SH3RF3: variants seen among roughly 807,000 people sequenced by gnomAD.
SH3RF3 encodes E3 ubiquitin-protein ligase SH3RF3.
In SH3RF3, 29 loss-of-function variants were observed where a neutral mutation model predicts 66.3. The observed-to-expected ratio is 0.44, with a 90% CI of 0.33 to 0.60. The LOEUF is 0.60. Among genes scored for constraint, SH3RF3 ranks in the 20% least tolerant of loss-of-function variants. The probability of loss-of-function intolerance (pLI) is 0.04; values close to 1 mark genes in which losing one functional copy is unlikely to be tolerated. For missense variants in SH3RF3, 1,194 were observed against 1,190.9 expected (o/e 1.00, Z -0.04); for synonymous variants, 583 against 532.0 (o/e 1.10, Z -1.32).
chr2:109,236,425 T>C (rs35234904), intron 1 of SH3RF3, among the ~76,000 whole-genome samples: 45,560 of 152,006 alleles, frequency 0.3, 7,714 homozygotes, highest in Non-Finnish European at 0.39. Context: ...CCATTCTCTT[T>C]CTCCTCAAAC....
chr2:109,158,256 C>T (rs1323833499), intron 1 of SH3RF3, among the ~76,000 whole-genome samples: 1 of 152,190 alleles, frequency 6.6e-6, no homozygotes, highest in Non-Finnish European at 1.5e-5. Flanking sequence ...ACAGGAAGTC[C>T]AGGGCCACCT....
At chr2:109,500,023 G>A (rs1409809493) in intron 9 of SH3RF3, among the ~76,000 whole-genome samples, 2 of 152,160 alleles carry the variant, frequency 1.3e-5, no homozygotes, top group Admixed American at 1.3e-4. Context: ...GGTGGTCCGT[G>A]TGAACACATC....
At chr2:109,213,536 T>G (rs1679040468) in intron 1 of SH3RF3, among the ~76,000 whole-genome samples, 1 of 152,148 alleles carries the variant, frequency 6.6e-6, no homozygotes, top group Non-Finnish European at 1.5e-5. Flanking sequence ...GAAGCCTCTA[T>G]CACCTAACAG....
At chr2:109,344,617 C>T (rs533370204) in intron 1 of SH3RF3, among the ~76,000 whole-genome samples, 16 of 152,302 alleles carry the variant, frequency 1.1e-4, no homozygotes, top group Middle Eastern at 3.4e-3. Flanking sequence ...GGCCAGGAGA[C>T]CACTGGAGGA....
At chr2:109,391,872 C>T (rs1324015871) in intron 3 of SH3RF3, among the ~76,000 whole-genome samples, 1 of 152,062 alleles carries the variant, frequency 6.6e-6, no homozygotes, top group African/African-American at 2.4e-5. Flanking sequence ...CAGGGTCTTA[C>T]TCTGTCACCC....
At chr2:109,475,180 T>C (rs1253277817) in intron 8 of SH3RF3, among the ~76,000 whole-genome samples, 1 of 152,192 alleles carries the variant, frequency 6.6e-6, no homozygotes, top group East Asian at 1.9e-4. Flanking sequence ...GGTTTCACCA[T>C]GTTGGCTAGG....
At chr2:109,296,413 T>C (rs1681309816) in intron 1 of SH3RF3, among the ~76,000 whole-genome samples, 1 of 151,886 alleles carries the variant, frequency 6.6e-6, no homozygotes, top group Non-Finnish European at 1.5e-5. Context: ...GTGTGTGTTT[T>C]TTATTGTTAG....
At chr2:109,227,305 A>C (rs1449300632) in intron 1 of SH3RF3, among the ~76,000 whole-genome samples, 1 of 152,328 alleles carries the variant, frequency 6.6e-6, no homozygotes, top group East Asian at 1.9e-4. Flanking sequence ...TCAGGCACAC[A>C]AAGCTACACG....
intron 2 of SH3RF3, among the ~76,000 whole-genome samples, chr2:109,359,431 C>T (rs554968244): frequency 7.9e-5 from 12 of 152,240 alleles, no homozygotes; most frequent in Admixed American, 5.2e-4. Flanking sequence ...TTTAGTTCTC[C>T]TTTGATTTCT....
At chr2:109,148,804 A>G (rs917865523) in intron 1 of SH3RF3, among the ~76,000 whole-genome samples, 1 of 151,886 alleles carries the variant, frequency 6.6e-6, no homozygotes, top group African/African-American at 2.4e-5. Context: ...TTTTATTTTT[A>G]GGTCTCAAAA....
Position 109,129,360 on chromosome 2 carries a change from ACGCAGGC to A in SH3RF3, c.-178_-172del. Reference sequence around the variant, plus strand: ...CCCGCCACGCAGGCCGGTCCCCGCCACGCAGGCCGGTCGGTGAGCCACTTCGCACCGC... The same window carrying A: ...CCCGCCACGCAGGCCGGTCCCCGCCACGGTCGGTGAGCCACTTCGCACCGC... On this transcript the variant is annotated 5_prime_UTR_variant, in exon 1 of 10. Transcript: ENST00000309415. 2.6e-6 allele frequency: 1 copy of A among 377,898 alleles called. No individual in the cohort carries two copies. Among genetic ancestry groups the A allele is most frequent in the Non-Finnish European group, 4.5e-6 (1 of 224,116 alleles). 23.4% of individuals were successfully genotyped at this position (377,898 alleles called of 1,614,324 possible). A position where few individuals can be genotyped will look rare whatever the true frequency, so the allele number is the denominator to read the frequency against.
intron 4 of SH3RF3, among the ~76,000 whole-genome samples, chr2:109,412,859 C>T (rs374865682): frequency 7.2e-5 from 11 of 152,348 alleles, no homozygotes; most frequent in Middle Eastern, 3.4e-3. Flanking sequence ...TGAAAATACA[C>T]GTATCACTGT....
chr2:109,295,617 C>G (rs1322614569), intron 1 of SH3RF3, among the ~76,000 whole-genome samples: 2 of 152,166 alleles, frequency 1.3e-5, no homozygotes, highest in East Asian at 3.9e-4. Flanking sequence ...CCTGCAAGTG[C>G]CCAGGCATGC....
chr2:109,276,116 A>T (rs185297632), intron 1 of SH3RF3, among the ~76,000 whole-genome samples: 2 of 152,288 alleles, frequency 1.3e-5, no homozygotes, highest in East Asian at 3.9e-4. Flanking sequence ...CAGTGATGGT[A>T]GAAGGCATTC....
intron 5 of SH3RF3, among the ~76,000 whole-genome samples, chr2:109,428,357 A>G (rs553415679): frequency 2.0e-5 from 3 of 152,364 alleles, no homozygotes; most frequent in African/African-American, 2.4e-5. Context: ...AGATCTTGCT[A>G]TAGAAATAAG....
At position 109,424,498 on chromosome 2, in the gene SH3RF3, C is replaced by T. The variant is rs182645562; in HGVS notation, c.1403+4856C>T. ...ACTGCATTTTTTTTACAAATTGAAG[C>T]TTCGGGGCAACCCAGCATCCACCAA... On this transcript the variant is annotated intron_variant, in intron 5 of 9. Transcript: ENST00000309415. 1.7e-4 allele frequency among the ~76,000 whole-genome samples: 26 copies of T among 152,292 alleles called. 1 individual carries two copies. The South Asian group carries it at 5.0e-3, about 29-fold the overall frequency.
intron 1 of SH3RF3, among the ~76,000 whole-genome samples, chr2:109,270,200 G>A (rs1485348272): frequency 1.3e-5 from 2 of 152,190 alleles, no homozygotes; most frequent in Non-Finnish European, 2.9e-5. Context: ...GGGGCAGCAT[G>A]TGGCCTGTCA....
At chr2:109,367,412 G>C (rs1683172690) in intron 2 of SH3RF3, among the ~76,000 whole-genome samples, 1 of 152,144 alleles carries the variant, frequency 6.6e-6, no homozygotes, top group South Asian at 2.1e-4. Context: ...CTCACAAGTA[G>C]CTGGGACTAC....
At chr2:109,337,303 C>T (rs776887449) in intron 1 of SH3RF3, among the ~76,000 whole-genome samples, 2 of 152,200 alleles carry the variant, frequency 1.3e-5, no homozygotes, top group Non-Finnish European at 2.9e-5. Context: ...GCAGGGCTGC[C>T]GGGAGCCCTG....
Sources: allele counts gnomAD v4.1 joint callset (sites outside exome capture counted in the v4.1 genomes callset), GRCh38; gene constraint gnomAD v4.1.1; transcripts MANE v1.5; gene names NCBI Gene and HGNC (gene_info 2026-07-23, HGNC 2026-07-21).